The following RASSF9 variants were observed in gnomAD, a reference collection of about 807,000 sequenced individuals.
RASSF9 encodes the protein ras association domain-containing protein 9.
Under a neutral mutation model 21.4 loss-of-function variants are expected in RASSF9, and 18 were observed. The ratio of observed to expected loss-of-function variants is 0.84; its 90% CI spans 0.58 to 1.25. The LOEUF (loss-of-function observed/expected upper bound fraction) is 1.25, where lower values mean the gene tolerates loss of function less well. Among genes scored for constraint, RASSF9 ranks in the 50% most tolerant of loss-of-function variants. The probability of loss-of-function intolerance (pLI) is 0.00; values close to 1 mark genes in which losing one functional copy is unlikely to be tolerated. For synonymous variants in RASSF9, 183 were observed against 179.1 expected, an observed-to-expected ratio of 1.02 and a Z score of -0.18; for missense variants, 480 against 503.2, an observed-to-expected ratio of 0.95 and a Z score of 0.44.
intron 1 of RASSF9, among the ~76,000 whole-genome samples, chr12:85,831,714 T>C (rs1880455450): frequency 6.6e-6 from 1 of 151,934 alleles, no homozygotes; most frequent in South Asian, 2.1e-4. Flanking sequence ...AAATAGTGCA[T>C]AATAATTTCC....
chr12:85,804,563 A>C lies in RASSF9; in HGVS notation c.*139T>G. Reference sequence around the variant, plus strand: ...TTGGAAATTTCACATCAGAAACAACACATTTCTCGAGTTTTTATTAACTAT... The same window carrying C: ...TTGGAAATTTCACATCAGAAACAACCCATTTCTCGAGTTTTTATTAACTAT... On this transcript the variant is annotated 3_prime_UTR_variant, in exon 2 of 2. Coordinates refer to ENST00000361228, the MANE Select transcript of RASSF9 (RefSeq NM_005447.4). 1.2e-6 allele frequency: 1 copy of C among 853,954 alleles called. No homozygotes were observed. The highest frequency in any genetic ancestry group is 3.6e-5 in the South Asian group (1 of 27,596). The allele number at this position is 853,954 out of a possible 1,614,324, so 52.9% of individuals were successfully genotyped here.
intron 1 of RASSF9, among the ~76,000 whole-genome samples, chr12:85,814,656 G>T (rs1036350631): frequency 1.2e-4 from 17 of 140,192 alleles, no homozygotes; most frequent in African/African-American, 4.4e-4. Context: ...AATATGAATA[G>T]AAATTTTTTT....
At chr12:85,817,694 T>C (rs1251015032) in intron 1 of RASSF9, among the ~76,000 whole-genome samples, 1 of 152,068 alleles carries the variant, frequency 6.6e-6, no homozygotes, top group Non-Finnish European at 1.5e-5. Flanking sequence ...AAATATGATT[T>C]GGTATTAAGG....
At chr12:85,827,825 T>G (rs1880364946) in intron 1 of RASSF9, among the ~76,000 whole-genome samples, 1 of 152,204 alleles carries the variant, frequency 6.6e-6, no homozygotes, top group South Asian at 2.1e-4. Flanking sequence ...TGAATCTAGT[T>G]TTTCCTGATA....
chr12:85,823,198 T>TG (rs1880254815), intron 1 of RASSF9, among the ~76,000 whole-genome samples: 2 of 98,426 alleles, frequency 2.0e-5, no homozygotes, highest in Non-Finnish European at 3.9e-5. Flanking sequence ...AAACTCCGTC[T>TG]CAAAAAAAAA....
rs1879814520 is a variant in RASSF9 at position 85,805,723 on chromosome 12, A to G, written c.287T>C (p.Ile96Thr). 2 of 1,613,802 alleles carry G rather than the reference A, an allele frequency of 1.2e-6. No individual in the cohort carries two copies. Among genetic ancestry groups the G allele is most frequent in the African/African-American group, 2.7e-5 (2 of 74,910 alleles). Residue 96 changes from isoleucine to threonine, a missense_variant, in exon 2 of 2, where the codon ATC (isoleucine) becomes ACC (threonine). Physicochemically the swap from Ile to Thr is moderately conservative, Grantham distance 89. Transcript: ENST00000361228. ...SERVLPPLTR[I>T]LKLWKAWGDE... is the part of the protein sequence containing the mutation. Reference sequence around the variant, plus strand: ...TCCCCACGCTTTCCAAAGCTTCAGGATTCTAGTTAGTGGAGGAAGAACCCT... The same window carrying G: ...TCCCCACGCTTTCCAAAGCTTCAGGGTTCTAGTTAGTGGAGGAAGAACCCT...
chr12:85,801,725 A>G lies in RASSF9; in HGVS notation c.*2977T>C, dbSNP rs61928909. The G allele has an allele frequency of 0.16, 23,645 of 152,268 alleles. 1,970 individuals carry two copies. Among genetic ancestry groups the G allele is most frequent in the Middle Eastern group, 0.2 (57 of 292 alleles). The allele number at this position is 152,268 out of a possible 1,614,324, so 9.4% of individuals were successfully genotyped here. On this transcript the variant is annotated 3_prime_UTR_variant, in exon 2 of 2. Transcript: ENST00000361228. ...AGCTACTCAGGAGGCTGAGGCAGGA[A>G]AATGGCGTGAAGCCGGGAGGCGGAG...
chr12:85,819,858 C>A (rs1428712051), intron 1 of RASSF9, among the ~76,000 whole-genome samples: 1 of 152,092 alleles, frequency 6.6e-6, no homozygotes, highest in Admixed American at 6.6e-5. Context: ...ATAATTAGTA[C>A]CTTGTCTAGA....
chr12:85,809,164 G>C (rs1879896922), intron 1 of RASSF9, among the ~76,000 whole-genome samples: 1 of 152,046 alleles, frequency 6.6e-6, no homozygotes, highest in African/African-American at 2.4e-5. Flanking sequence ...TACAATGAAG[G>C]TTCAAACATA....
At position 85,836,150 on chromosome 12, in the gene RASSF9, T is replaced by C; in HGVS notation, c.47+5A>G. 4 of 1,551,150 alleles carry C rather than the reference T, an allele frequency of 2.6e-6. No homozygotes were observed. The highest frequency in any genetic ancestry group is 3.5e-6 in the Non-Finnish European group (4 of 1,146,868). On this transcript the variant is annotated splice_donor_5th_base_variant and intron_variant, in intron 1 of 1. Coordinates refer to ENST00000361228, the MANE Select transcript of RASSF9 (RefSeq NM_005447.4). ...ACACACACTTACTCACACGCTTGAC[T>C]TTACCTGTTTTTATGCCGAGTCTTT...
chr12:85,802,037 A>G lies in RASSF9; in HGVS notation c.*2665T>C, dbSNP rs1036035627. 1 of 152,242 alleles carries G rather than the reference A, an allele frequency of 6.6e-6. No individual in the cohort carries two copies. The highest frequency in any genetic ancestry group is 2.4e-5 in the African/African-American group (1 of 41,464). The allele number at this position is 152,242 out of a possible 1,614,324, so 9.4% of individuals were successfully genotyped here. The stretch of plus-strand genomic sequence containing the variant: ...AGGGTAAGATTTCAGAGCATTGCAG[A>G]AGGATAAAAAGGAGAATTCCAAGTG... On this transcript the variant is annotated 3_prime_UTR_variant, in exon 2 of 2. Coordinates refer to ENST00000361228, the MANE Select transcript of RASSF9 (RefSeq NM_005447.4).
chr12:85,818,731 C>CG, intron 1 of RASSF9, among the ~76,000 whole-genome samples: 1 of 151,980 alleles, frequency 6.6e-6, no homozygotes, highest in Non-Finnish European at 1.5e-5. Context: ...GATGCCGAGG[C>CG]GGGCGGATCA....
At chr12:85,819,063 A>C (rs1880150965) in intron 1 of RASSF9, among the ~76,000 whole-genome samples, 1 of 152,116 alleles carries the variant, frequency 6.6e-6, no homozygotes, top group Non-Finnish European at 1.5e-5. Context: ...ATTTCTAAAA[A>C]TATTTTTAAA....
chr12:85,823,109 A>C (rs964096606), intron 1 of RASSF9, among the ~76,000 whole-genome samples: 3 of 151,448 alleles, frequency 2.0e-5, no homozygotes, highest in Non-Finnish European at 4.4e-5. Context: ...CTGAGGCAGG[A>C]GAATGGGGTG....
In RASSF9 at chr12:85,805,822, G is replaced by A. The variant is rs759590696; in HGVS notation, c.188C>T (p.Thr63Met). 2.2e-5 allele frequency: 36 copies of A among 1,613,754 alleles called. No homozygotes were observed. The highest frequency in any genetic ancestry group is 6.7e-5 in the East Asian group (3 of 44,874). ...IQALLEEHEATFGEKRFLLGK... is the reference protein window; with the variant it reads ...IQALLEEHEAMFGEKRFLLGK... ...CAGAAGAAATCGTTTCTCTCCAAAC[G>A]TAGCCTCATGTTCCTCAAGCAAAGC... Residue 63 changes from threonine (T) to methionine (M), a missense_variant, in exon 2 of 2, where the codon ACG (threonine) becomes ATG (methionine). Coordinates refer to ENST00000361228, the MANE Select transcript of RASSF9 (RefSeq NM_005447.4).
chr12:85,814,162 C>T (rs1486096423), intron 1 of RASSF9, among the ~76,000 whole-genome samples: 1 of 152,000 alleles, frequency 6.6e-6, no homozygotes, highest in African/African-American at 2.4e-5. Context: ...TGAGTCTTGG[C>T]CAGCTTCCCA....
Position 85,827,698 on chromosome 12 carries a change from C to A in RASSF9, c.47+8457G>T, listed in dbSNP as rs758665250. Among the ~76,000 whole-genome samples the A allele has an allele frequency of 4.3e-4, 66 of 152,228 alleles. 1 individual carries two copies. Among genetic ancestry groups the A allele is most frequent in the Non-Finnish European group, 5.0e-4 (34 of 68,014 alleles). ...CATATTCTGTCTCAGTTACTTTATACCTTCTGTTCAACCTGGCTAAAACAG... is the reference window on the plus strand; with the variant it reads ...CATATTCTGTCTCAGTTACTTTATAACTTCTGTTCAACCTGGCTAAAACAG... On this transcript the variant is annotated intron_variant, in intron 1 of 1. Coordinates refer to ENST00000361228, the MANE Select transcript of RASSF9 (RefSeq NM_005447.4).
At position 85,806,672 on chromosome 12, in the gene RASSF9, CAAAAAAAAAAAAAAAAA is replaced by C. The variant is rs71076150; in HGVS notation, c.48-727_48-711del. Among the ~76,000 whole-genome samples the C allele has an allele frequency of 9.1e-5, 5 of 54,842 alleles. No homozygotes were observed. In the South Asian group the frequency reaches 6.7e-3, roughly 73 times the overall value. The allele number at this position is 54,842 out of a possible 152,430, so 36.0% of individuals were successfully genotyped here. ...TGGGCAACAGCGTGAGACTCCATCT[CAAAAAAAAAAAAAAAAA>C]AAAAAAAAAAAAGTCAGAAGATATA... On this transcript the variant is annotated intron_variant, in intron 1 of 1. Coordinates refer to ENST00000361228, the MANE Select transcript of RASSF9 (RefSeq NM_005447.4).
chr12:85,835,612 T>C (rs1412704331), intron 1 of RASSF9, among the ~76,000 whole-genome samples: 2 of 152,140 alleles, frequency 1.3e-5, no homozygotes, highest in African/African-American at 4.8e-5. Context: ...CCAGAGTGTT[T>C]CCACTTTGGG....
Sources: gnomAD v4.1 joint callset for allele counts (sites outside exome capture counted in the v4.1 genomes callset) on GRCh38, gnomAD v4.1.1 for gene constraint, MANE v1.5 for transcripts, NCBI Gene and HGNC (gene_info 2026-07-23, HGNC 2026-07-21) for gene names.